GRID2: variants seen among roughly 807,000 people sequenced by gnomAD.
GRID2 encodes the protein glutamate ionotropic receptor delta type subunit 2.
In GRID2, 33 loss-of-function variants were observed where a neutral mutation model predicts 114.8. The ratio of observed to expected loss-of-function variants is 0.29; its 90% CI spans 0.22 to 0.38. GRID2 has a LOEUF of 0.38. Among genes scored for constraint, GRID2 ranks in the 10% least tolerant of loss-of-function variants. The pLI is 1.00. For synonymous variants in GRID2, 505 were observed against 449.9 expected (o/e 1.12, Z -1.55); for missense variants, 1,184 against 1,257.7 (o/e 0.94, Z 0.89).
intron 13 of GRID2, among the ~76,000 whole-genome samples, chr4:93,582,522 A>T (rs978203843): frequency 2.0e-5 from 3 of 152,198 alleles, no homozygotes; most frequent in Non-Finnish European, 2.9e-5. Context: ...GAATTATTTT[A>T]ACTTGTTTCT....
At chr4:93,124,890 A>T (rs1734131421) in intron 4 of GRID2, among the ~76,000 whole-genome samples, 1 of 152,214 alleles carries the variant, frequency 6.6e-6, no homozygotes, top group Non-Finnish European at 1.5e-5. Context: ...TTAAACTTAT[A>T]TGTGTCTATC....
In GRID2 at chr4:93,039,837, T is replaced by A. The variant is rs139693166; in HGVS notation, c.245-45158T>A. On this transcript the variant is annotated intron_variant, in intron 2 of 15. Transcript: ENST00000282020. Reference sequence around the variant, plus strand: ...ATACTCAGCTTGACAGTAACCATACTGCACAGTGCCTAACACATGTAAGTG... The same window carrying A: ...ATACTCAGCTTGACAGTAACCATACAGCACAGTGCCTAACACATGTAAGTG... Among the ~76,000 whole-genome samples the A allele has an allele frequency of 1.4e-3, 218 of 152,306 alleles. 2 individuals carry two copies. Among genetic ancestry groups the A allele is most frequent in the African/African-American group, 4.5e-3 (187 of 41,578 alleles).
chr4:93,011,116 A>G (rs1722085794), intron 2 of GRID2, among the ~76,000 whole-genome samples: 3 of 149,238 alleles, frequency 2.0e-5, no homozygotes, highest in Admixed American at 2.0e-4. Flanking sequence ...TATATTTAAG[A>G]CAGGTTTTTT....
In GRID2 at chr4:93,514,259, AC is replaced by A. The variant is rs1343945315; in HGVS notation, c.1998-955del. ...CAGAAACTCAAATGGAGGGAAATCG[AC>A]CACCAATTTAGAGATAGATAACCTG... On this transcript the variant is annotated intron_variant, in intron 12 of 15. Transcript: ENST00000282020. Among the ~76,000 whole-genome samples the A allele has an allele frequency of 3.3e-5, 5 of 152,262 alleles. No homozygotes were observed. In the East Asian group the frequency reaches 9.7e-4, roughly 29 times the overall value.
chr4:92,932,313 A>C (rs972380187), intron 2 of GRID2, among the ~76,000 whole-genome samples: 14 of 151,344 alleles, frequency 9.3e-5, no homozygotes, highest in African/African-American at 3.4e-4. Flanking sequence ...CATTAGACAA[A>C]TGCAAATTAA....
At chr4:92,576,522 A>G (rs1597492) in intron 1 of GRID2, among the ~76,000 whole-genome samples, 151,600 of 152,228 alleles carry the variant, frequency 1, 75,491 homozygotes, top group Middle Eastern at 1. Flanking sequence ...CTTCCTAGGG[A>G]CATCTCCTAG....
At chr4:92,847,837 T>G (rs1281885210) in intron 2 of GRID2, among the ~76,000 whole-genome samples, 1 of 151,986 alleles carries the variant, frequency 6.6e-6, no homozygotes, top group Non-Finnish European at 1.5e-5. Flanking sequence ...TTTTTAAAAA[T>G]AAAGTATACT....
At position 93,013,405 on chromosome 4, in the gene GRID2, C is replaced by T. The variant is rs529563370; in HGVS notation, c.245-71590C>T. ...TCATATTTAGTTAATATTCCATGTGCGGAACTTCTTAAAGATTTCAAATAA... is the reference window on the plus strand; with the variant it reads ...TCATATTTAGTTAATATTCCATGTGTGGAACTTCTTAAAGATTTCAAATAA... On this transcript the variant is annotated intron_variant, in intron 2 of 15. Transcript: ENST00000282020. 1.3e-4 allele frequency among the ~76,000 whole-genome samples: 19 copies of T among 151,692 alleles called. No homozygotes were observed. The South Asian group carries it at 1.9e-3, about 15-fold the overall frequency.
intron 2 of GRID2, among the ~76,000 whole-genome samples, chr4:92,901,004 A>T (rs1430168626): frequency 6.6e-6 from 1 of 151,468 alleles, no homozygotes; most frequent in East Asian, 1.9e-4. Flanking sequence ...TTGATGCCAT[A>T]TCTTTGCTAT....
Position 93,182,832 on chromosome 4 carries a change from A to G in GRID2, c.736-24572A>G, listed in dbSNP as rs148924773. The stretch of plus-strand genomic sequence containing the variant: ...TTGTCTTTTTCTTCTCCAGTGCAGT[A>G]GTTTTCAGAGTGTGTTCCCTGAATC... On this transcript the variant is annotated intron_variant, in intron 4 of 15. Transcript: ENST00000282020. Among the ~76,000 whole-genome samples the G allele has an allele frequency of 4.2e-3, 636 of 152,330 alleles. 8 individuals are homozygous for G. Among genetic ancestry groups the G allele is most frequent in the African/African-American group, 0.015 (613 of 41,568 alleles).
chr4:92,747,018 T>C (rs1371499447), intron 2 of GRID2, among the ~76,000 whole-genome samples: 1 of 152,040 alleles, frequency 6.6e-6, no homozygotes, highest in Admixed American at 6.6e-5. Flanking sequence ...TATAGAGAAT[T>C]GATGGAATAA....
intron 3 of GRID2, among the ~76,000 whole-genome samples, chr4:93,106,359 T>A (rs978605770): frequency 1.3e-5 from 2 of 152,196 alleles, no homozygotes; most frequent in African/African-American, 2.4e-5. Context: ...TATTTTTTAT[T>A]TTTTTGACAT....
At chr4:93,618,454 T>C (rs549801256) in intron 13 of GRID2, among the ~76,000 whole-genome samples, 17 of 152,136 alleles carry the variant, frequency 1.1e-4, no homozygotes, top group Non-Finnish European at 2.1e-4. Context: ...TAAAATATCC[T>C]CTCTTCCTGT....
At chr4:93,108,113 G>A (rs1579009299) in intron 3 of GRID2, among the ~76,000 whole-genome samples, 1 of 151,944 alleles carries the variant, frequency 6.6e-6, no homozygotes, top group African/African-American at 2.4e-5. Flanking sequence ...CTATTTGCTT[G>A]GATAATGTCT....
rs530659343 is a variant in GRID2, at chr4:92,547,567, A to G, written c.89-42564A>G. ...CAGTTTATATACATACAAAATGACAAATCAAAAAATACTCACATTTTAAAA... is the reference window on the plus strand; with the variant it reads ...CAGTTTATATACATACAAAATGACAGATCAAAAAATACTCACATTTTAAAA... On this transcript the variant is annotated intron_variant, in intron 1 of 15. Coordinates refer to ENST00000282020, the MANE Select transcript of GRID2 (RefSeq NM_001510.4). Among the ~76,000 whole-genome samples, 8 of 152,324 alleles carry G rather than the reference A, an allele frequency of 5.3e-5. No homozygotes were observed. The East Asian group carries it at 1.5e-3, about 29-fold the overall frequency.
chr4:93,032,892 TCA>T (rs1724567154), intron 2 of GRID2, among the ~76,000 whole-genome samples: 1 of 152,182 alleles, frequency 6.6e-6, no homozygotes, highest in Non-Finnish European at 1.5e-5. Context: ...ACAGTATCTG[TCA>T]CAGTTCAAAA....
At chr4:93,036,438 CTT>C (rs1284555845) in intron 2 of GRID2, among the ~76,000 whole-genome samples, 6 of 152,016 alleles carry the variant, frequency 3.9e-5, no homozygotes, top group African/African-American at 9.7e-5. Context: ...AGTAAACAAA[CTT>C]AATCAGTTTA....
chr4:92,961,592 T>G (rs112978106), intron 2 of GRID2, among the ~76,000 whole-genome samples: 2,228 of 151,698 alleles, frequency 0.015, 18 homozygotes, highest in East Asian at 0.053. Flanking sequence ...TCTCTCAGGA[T>G]TTTTGTTTCT....
At chr4:93,101,250 ATATT>A (rs1731678786) in intron 3 of GRID2, among the ~76,000 whole-genome samples, 1 of 152,100 alleles carries the variant, frequency 6.6e-6, no homozygotes, top group Non-Finnish European at 1.5e-5. Context: ...ATCACCTTAA[ATATT>A]TATCTTTGCA....
Sources: allele counts gnomAD v4.1 joint callset (sites outside exome capture counted in the v4.1 genomes callset), GRCh38; gene constraint gnomAD v4.1.1; transcripts MANE v1.5; gene names NCBI Gene and HGNC (gene_info 2026-07-23, HGNC 2026-07-21).